Variants in RABGAP1 observed in about 807,000 individuals in gnomAD.
RABGAP1 encodes the protein rab GTPase-activating protein 1.
Under a neutral mutation model 137.6 loss-of-function variants are expected in RABGAP1, and 23 were observed. The observed-to-expected ratio is 0.17, with a 90% CI of 0.12 to 0.24. The LOEUF (loss-of-function observed/expected upper bound fraction) is 0.24. Among genes scored for constraint, RABGAP1 ranks in the 10% least tolerant of loss-of-function variants. The probability of loss-of-function intolerance (pLI) is 1.00; values close to 1 mark genes in which losing one functional copy is unlikely to be tolerated. For synonymous variants in RABGAP1, 451 were observed against 450.7 expected, an observed-to-expected ratio of 1.00 and a Z score of -0.01; for missense variants, 906 against 1,275.8, an observed-to-expected ratio of 0.71 and a Z score of 4.42.
intron 13 of RABGAP1, among the ~76,000 whole-genome samples, chr9:123,057,943 C>T (rs2033804511): frequency 6.6e-6 from 1 of 151,900 alleles, no homozygotes; most frequent in Admixed American, 6.5e-5. Context: ...ATCACAGGCA[C>T]TGGGCAGGCC....
At chr9:122,947,470 G>A (rs1298289104) in intron 1 of RABGAP1, among the ~76,000 whole-genome samples, 2 of 152,138 alleles carry the variant, frequency 1.3e-5, no homozygotes, top group African/African-American at 4.8e-5. Flanking sequence ...GGCTAAGATG[G>A]TAATGTTTGT....
rs150917003 is a variant in RABGAP1 at position 123,035,005 on chromosome 9, C to T, written c.1794+14546C>T. ...TACTCTGGTTACACCCTGGAGACTA[C>T]GCCTGTGTATTTTCCTGATTTGGCT... is the stretch of plus-strand genomic sequence containing the variant. On this transcript the variant is annotated intron_variant, in intron 13 of 25. Coordinates refer to ENST00000373647, the MANE Select transcript of RABGAP1 (RefSeq NM_012197.4). 4.3e-5 allele frequency: 69 copies of T among 1,613,458 alleles called. No individual in the cohort carries two copies. In the African/African-American group the frequency reaches 6.1e-4, roughly 14 times the overall value.
intron 4 of RABGAP1, 124 bp downstream of exon 4, chr9:122,986,543 A>T (rs903879104): frequency 3.8e-6 from 4 of 1,051,576 alleles, no homozygotes; most frequent in Non-Finnish European, 5.5e-6. Context: ...CGTTTCATTT[A>T]CCTGGCACTC....
chr9:123,071,350 C>A (rs1258245542), intron 15 of RABGAP1: 1 of 152,096 alleles, frequency 6.6e-6, no homozygotes, highest in Admixed American at 6.6e-5. Context: ...TTGAAAAATT[C>A]AGACAAATTG....
chr9:123,076,159 C>G (rs944588456), intron 17 of RABGAP1, 86 bp from the exon 18 acceptor site: 12 of 1,364,254 alleles, frequency 8.8e-6, no homozygotes, highest in Non-Finnish European at 9.1e-6. Flanking sequence ...TTCACAATTT[C>G]TTTAAAAATG....
At position 123,012,198 on chromosome 9, in the gene RABGAP1, A is replaced by G. The variant is rs372776311; in HGVS notation, c.1549+1670A>G. On this transcript the variant is annotated intron_variant, in intron 11 of 25. Coordinates refer to ENST00000373647, the MANE Select transcript of RABGAP1 (RefSeq NM_012197.4). ...AATTCAGAGTCCCCCTGGAGAGCCA[A>G]TTTAAGTCATATGTTATATCTGGGA... Among the ~76,000 whole-genome samples, 9 of 152,308 alleles carry G rather than the reference A, an allele frequency of 5.9e-5. 1 individual carries two copies. Among genetic ancestry groups the G allele is most frequent in the Middle Eastern group, 6.8e-3 (2 of 294 alleles).
chr9:123,101,638 A>T lies in RABGAP1; in HGVS notation c.2962A>T (p.Thr988Ser). 1 of 1,614,178 alleles carries T rather than the reference A, an allele frequency of 6.2e-7. No individual in the cohort carries two copies. Among genetic ancestry groups the T allele is most frequent in the Non-Finnish European group, 8.5e-7 (1 of 1,180,032 alleles). Residue 988 changes from threonine (T) to serine (S), a missense_variant, in exon 25 of 26, where the codon ACC (threonine) becomes TCC (serine). By Grantham distance (58) the Thr-to-Ser change is moderately conservative. Coordinates refer to ENST00000373647, the MANE Select transcript of RABGAP1 (RefSeq NM_012197.4). ...KEGRVKGISSTKEVLDEDTDE... is the reference protein window; with the variant it reads ...KEGRVKGISSSKEVLDEDTDE... The stretch of plus-strand genomic sequence containing the variant: ...AGGGCGTGTAAAAGGCATAAGCTCA[A>T]CCAAGGAGGTTTTAGATGAGGACAC...
In RABGAP1 at chr9:123,074,196, T is replaced by G. The variant is rs1460824032; in HGVS notation, c.2110-89T>G. 12 of 1,487,672 alleles carry G rather than the reference T, an allele frequency of 8.1e-6. No individual in the cohort carries two copies. The East Asian group carries it at 2.5e-4, about 31-fold the overall frequency. The allele number at this position is 1,487,672 out of a possible 1,614,324, so 92.2% of individuals were successfully genotyped here. On this transcript the variant is annotated intron_variant, in intron 16 of 25. Transcript: ENST00000373647. ...AGAAAAACACAAGTATTTTACTTTT[T>G]TGGCCTATTCCTGGTAGATTTATGA...
rs1484726505 is a variant in RABGAP1, at chr9:123,098,785, G to A, written c.2804G>A (p.Gly935Asp). The A allele has an allele frequency of 1.9e-6, 3 of 1,613,564 alleles. No homozygotes were observed. Among genetic ancestry groups the A allele is most frequent in the South Asian group, 2.2e-5 (2 of 91,046 alleles). ...ATTAAAAAAAACAGTTCTATCATTG[G>A]TGACTATAAGCAGGTAGGTTCCAGT... ...SEIKKNSSII[G>D]DYKQICSQLS... is the part of the protein sequence containing the mutation. Residue 935 changes from glycine to aspartate, a missense_variant, in exon 23 of 26, where the codon GGT becomes GAT. This residue lies in a region of RABGAP1 where 193 missense variants were observed against 248.1 expected (regional missense o/e 0.78). Transcript: ENST00000373647.
chr9:123,017,903 C>CA (rs2031348209), intron 12 of RABGAP1, among the ~76,000 whole-genome samples: 1 of 152,184 alleles, frequency 6.6e-6, no homozygotes, highest in South Asian at 2.1e-4. Flanking sequence ...TTAACACAGT[C>CA]ACGGCTGATC....
rs187507848 is a variant in RABGAP1, at chr9:123,098,300, G to A, written c.2734-415G>A. Among the ~76,000 whole-genome samples, 173 of 152,280 alleles carry A rather than the reference G, an allele frequency of 1.1e-3. 1 individual carries two copies. Among genetic ancestry groups the A allele is most frequent in the African/African-American group, 3.7e-3 (154 of 41,546 alleles). On this transcript the variant is annotated intron_variant, in intron 22 of 25. Transcript: ENST00000373647. The stretch of plus-strand genomic sequence containing the variant: ...GCGCCTGGGAGCAGTCCCCTCCCCT[G>A]TCACACCACGGTCGTCCAGGAGGCA...
intron 13 of RABGAP1, among the ~76,000 whole-genome samples, chr9:123,021,071 GT>G (rs1347152923): frequency 2.6e-5 from 4 of 152,008 alleles, no homozygotes; most frequent in Admixed American, 6.6e-5. Context: ...CATGTTTTCG[GT>G]TTTAGTTTTA....
In RABGAP1 at chr9:123,045,536, AAAGTT is replaced by A. The variant is rs746965681; in HGVS notation, c.1795-19809_1795-19805del. On this transcript the variant is annotated intron_variant, in intron 13 of 25. Coordinates refer to ENST00000373647, the MANE Select transcript of RABGAP1 (RefSeq NM_012197.4). ...TTGTAGCCTATAGAACACTGGAAAT[AAAGTT>A]AAAACAAAATGTAGATCCTAGTTCT... Among the ~76,000 whole-genome samples the A allele has an allele frequency of 2.6e-5, 4 of 152,328 alleles. No individual in the cohort carries two copies. The East Asian group carries it at 7.7e-4, about 29-fold the overall frequency.
chr9:123,083,944 T>C (rs142292807), intron 19 of RABGAP1, among the ~76,000 whole-genome samples: 311 of 152,344 alleles, frequency 2.0e-3, no homozygotes, highest in African/African-American at 7.3e-3. Flanking sequence ...TTTTCTTATG[T>C]GTTCAGCACT....
chr9:123,080,824 T>A (rs903269247), intron 19 of RABGAP1, among the ~76,000 whole-genome samples: 1 of 152,244 alleles, frequency 6.6e-6, no homozygotes, highest in Non-Finnish European at 1.5e-5. Context: ...CATTATTTTT[T>A]AAATGTTTGT....
intron 1 of RABGAP1, among the ~76,000 whole-genome samples, chr9:122,948,700 A>G (rs1834066304): frequency 6.6e-6 from 1 of 152,170 alleles, no homozygotes; most frequent in Non-Finnish European, 1.5e-5. Flanking sequence ...TGTTTGGTCC[A>G]AAGGGAACCC....
Position 123,070,485 on chromosome 9 carries a change from T to C in RABGAP1, c.1983+61T>C. On this transcript the variant is annotated intron_variant, in intron 15 of 25. Coordinates refer to ENST00000373647, the MANE Select transcript of RABGAP1 (RefSeq NM_012197.4). The surrounding 1 kb of genome is among the most constrained non-coding windows in gnomAD (Gnocchi z 4.4). ...GGCCTCCCTCAGCTTATACTAACCT[T>C]AGGCTTGAGCATGGTTTTATATTGG... is the stretch of plus-strand genomic sequence containing the variant. 6.2e-7 allele frequency: 1 copy of C among 1,611,488 alleles called. No homozygotes were observed.
At chr9:123,096,813 G>A (rs2035197750) in intron 21 of RABGAP1, among the ~76,000 whole-genome samples, 2 of 152,116 alleles carry the variant, frequency 1.3e-5, no homozygotes, top group South Asian at 4.1e-4. Flanking sequence ...CTTGTGATCT[G>A]CCCACCTTGG....
intron 13 of RABGAP1, among the ~76,000 whole-genome samples, chr9:123,052,867 G>A (rs780561114): frequency 6.6e-6 from 1 of 152,242 alleles, no homozygotes; most frequent in African/African-American, 2.4e-5. Flanking sequence ...TTGAACCTGG[G>A]AGGTAGAGGT....
Sources: allele counts gnomAD v4.1 joint callset (sites outside exome capture counted in the v4.1 genomes callset), GRCh38; gene constraint gnomAD v4.1.1; regional missense constraint gnomAD v4.1.1; non-coding constraint Gnocchi (gnomAD v3.1); transcripts MANE v1.5; gene names NCBI Gene and HGNC (gene_info 2026-07-23, HGNC 2026-07-21).